The following RGS7 variants were observed in gnomAD, a reference collection of about 807,000 sequenced individuals.
RGS7 encodes the protein regulator of G-protein signaling 7.
RGS7 carries 27 observed loss-of-function variants against 81.1 expected under a neutral mutation model. The ratio of observed to expected loss-of-function variants is 0.33; its 90% CI spans 0.25 to 0.46. The LOEUF is 0.46. RGS7 is among the 20% of genes least tolerant of loss of function. The probability of loss-of-function intolerance (pLI) is 1.00; values close to 1 mark genes in which losing one functional copy is unlikely to be tolerated. For synonymous variants in RGS7, 208 were observed against 207.7 expected (o/e 1.00, Z -0.01); for missense variants, 396 against 607.4 (o/e 0.65, Z 3.66).
intron 3 of RGS7, among the ~76,000 whole-genome samples, chr1:241,027,265 G>C (rs1321953514): frequency 6.6e-6 from 1 of 151,942 alleles, no homozygotes. Context: ...TGGTGGCAGG[G>C]AGTGGGGAGG....
intron 6 of RGS7, among the ~76,000 whole-genome samples, chr1:240,910,804 G>A (rs1310226027): frequency 2.0e-5 from 3 of 151,896 alleles, no homozygotes; most frequent in Non-Finnish European, 4.4e-5. Flanking sequence ...TGCAACCTCC[G>A]CCTCCCAGGT....
chr1:241,158,971 A>T (rs4480344), intron 2 of RGS7, among the ~76,000 whole-genome samples: 10,233 of 152,110 alleles, frequency 0.067, 633 homozygotes, highest in East Asian at 0.18. Flanking sequence ...CCATCAATTT[A>T]TTTCTGCAAT....
At chr1:241,106,016 A>G (rs929252325) in intron 2 of RGS7, among the ~76,000 whole-genome samples, 1 of 152,214 alleles carries the variant, frequency 6.6e-6, no homozygotes, top group African/African-American at 2.4e-5. Flanking sequence ...TTTCTTGGGC[A>G]GTTAGGTGGT....
Position 240,868,873 on chromosome 1 carries a change from G to A in RGS7, c.451-21C>T. 1 of 1,611,430 alleles carries A rather than the reference G, an allele frequency of 6.2e-7. No homozygotes were observed. Among genetic ancestry groups the A allele is most frequent in the Non-Finnish European group, 8.5e-7 (1 of 1,177,694 alleles). ...CTCTCCTGAAAAACATACCCCAGGT[G>A]AAGACATTTGGTGTTCATTGTCACT... On this transcript the variant is annotated intron_variant, in intron 7 of 18. Coordinates refer to ENST00000440928, the MANE Select transcript of RGS7 (RefSeq NM_001364886.1). This position sits in a 1 kb window ranked among gnomAD's most constrained non-coding sequence, Gnocchi z 5.1.
intron 3 of RGS7, among the ~76,000 whole-genome samples, chr1:241,086,877 C>T (rs974149543): frequency 2.0e-5 from 3 of 152,124 alleles, no homozygotes; most frequent in African/African-American, 7.2e-5. Context: ...GTTGCACAGG[C>T]GCTCCTCTTT....
intron 3 of RGS7, among the ~76,000 whole-genome samples, chr1:241,087,747 G>C (rs1435518526): frequency 1.3e-5 from 2 of 152,040 alleles, no homozygotes; most frequent in Non-Finnish European, 2.9e-5. Context: ...TCAGCAGTTT[G>C]AGATCAGCCC....
At chr1:240,853,445 C>T (rs1660461732) in intron 9 of RGS7, among the ~76,000 whole-genome samples, 1 of 152,060 alleles carries the variant, frequency 6.6e-6, no homozygotes, top group Admixed American at 6.6e-5. Context: ...AGCTACATTC[C>T]CAACATTTGA....
intron 2 of RGS7, among the ~76,000 whole-genome samples, chr1:241,323,926 G>C (rs933923165): frequency 1.3e-5 from 2 of 152,208 alleles, no homozygotes; most frequent in Non-Finnish European, 2.9e-5. Context: ...CAGTCTGCCT[G>C]AGACTGAAGC....
intron 3 of RGS7, among the ~76,000 whole-genome samples, chr1:241,066,537 A>G (rs2062072104): frequency 1.3e-5 from 2 of 152,230 alleles, no homozygotes; most frequent in Admixed American, 1.3e-4. Context: ...AATATATACA[A>G]TTAGCAACAC....
At chr1:240,940,107 A>C (rs1677333547) in intron 4 of RGS7, among the ~76,000 whole-genome samples, 1 of 152,052 alleles carries the variant, frequency 6.6e-6, no homozygotes, top group Non-Finnish European at 1.5e-5. Context: ...TAAATTAAGA[A>C]ATAAACTTAA....
chr1:241,216,886 A>G (rs1376691592), intron 2 of RGS7, among the ~76,000 whole-genome samples: 1 of 152,260 alleles, frequency 6.6e-6, no homozygotes, highest in Non-Finnish European at 1.5e-5. Flanking sequence ...TATAGGACAG[A>G]GTCCTGACAA....
At chr1:241,226,220 C>G (rs1174609522) in intron 2 of RGS7, among the ~76,000 whole-genome samples, 1 of 152,184 alleles carries the variant, frequency 6.6e-6, no homozygotes, top group Non-Finnish European at 1.5e-5. Flanking sequence ...ATCTTACCCT[C>G]TAGGTGAAAA....
At chr1:241,202,047 CAG>C (rs1553282731) in intron 2 of RGS7, among the ~76,000 whole-genome samples, 302 of 150,384 alleles carry the variant, frequency 2.0e-3, no homozygotes, top group African/African-American at 6.9e-3. Context: ...CACACACACA[CAG>C]AGACACCCTA....
At position 241,321,368 on chromosome 1, in the gene RGS7, C is replaced by T. The variant is rs117267325; in HGVS notation, c.78+34331G>A. Among the ~76,000 whole-genome samples the T allele has an allele frequency of 5.3e-4, 80 of 152,270 alleles. 1 individual carries two copies. In the East Asian group the frequency reaches 0.012, roughly 22 times the overall value. On this transcript the variant is annotated intron_variant, in intron 2 of 18. Coordinates refer to ENST00000440928, the MANE Select transcript of RGS7 (RefSeq NM_001364886.1). The stretch of plus-strand genomic sequence containing the variant: ...GCACAAGCAGTTTTTTTTATCCTCA[C>T]AGCTTTCTGTTTTCAAGCAATTTGG...
In RGS7 at chr1:241,060,179, G is replaced by GA. The variant is rs552775193; in HGVS notation, c.175+38486dup. Among the ~76,000 whole-genome samples the GA allele has an allele frequency of 2.9e-4, 44 of 151,354 alleles. No homozygotes were observed. In the East Asian group the frequency reaches 3.7e-3, roughly 13 times the overall value. ...ATTAATATATTGTAGTTACTTATAG[G>GA]AAAAAAAAGGCTGATAGAGAAAATA... On this transcript the variant is annotated intron_variant, in intron 3 of 18. Coordinates refer to ENST00000440928, the MANE Select transcript of RGS7 (RefSeq NM_001364886.1).
chr1:241,165,882 C>T (rs987540597), intron 2 of RGS7, among the ~76,000 whole-genome samples: 12 of 152,040 alleles, frequency 7.9e-5, no homozygotes, highest in Non-Finnish European at 1.6e-4. Flanking sequence ...CAGTAGTTCT[C>T]AAAATTTGGC....
intron 2 of RGS7, among the ~76,000 whole-genome samples, chr1:241,134,053 T>C (rs1183024990): frequency 2.6e-5 from 4 of 152,220 alleles, no homozygotes. Context: ...CTGGATCTAA[T>C]AAAGCATCCC....
intron 2 of RGS7, among the ~76,000 whole-genome samples, chr1:241,126,180 C>T (rs1264031539): frequency 4.0e-5 from 6 of 151,638 alleles, no homozygotes; most frequent in Non-Finnish European, 8.8e-5. Context: ...GGCAGAGTTT[C>T]GCTCTTGTTG....
chr1:241,038,481 A>G (rs1163723337), intron 3 of RGS7, among the ~76,000 whole-genome samples: 4 of 152,226 alleles, frequency 2.6e-5, no homozygotes, highest in African/African-American at 9.6e-5. Flanking sequence ...AGAAGCAATG[A>G]AAGCAGATTT....
Sources: allele counts gnomAD v4.1 joint callset (sites outside exome capture counted in the v4.1 genomes callset), GRCh38; gene constraint gnomAD v4.1.1; non-coding constraint Gnocchi (gnomAD v3.1); transcripts MANE v1.5; gene names NCBI Gene and HGNC (gene_info 2026-07-23, HGNC 2026-07-21).